The following USP6NL variants were observed in gnomAD, a reference collection of about 807,000 sequenced individuals.
The protein encoded by USP6NL is USP6 N-terminal-like protein.
In USP6NL, 26 loss-of-function variants were observed where a neutral mutation model predicts 61.9. The ratio of observed to expected loss-of-function variants is 0.42; its 90% CI spans 0.31 to 0.58. The LOEUF (loss-of-function observed/expected upper bound fraction) is 0.58, where lower values mean the gene tolerates loss of function less well. USP6NL is among the 20% of genes least tolerant of loss of function. The probability of loss-of-function intolerance (pLI) is 0.16; values close to 1 mark genes in which losing one functional copy is unlikely to be tolerated. For missense variants in USP6NL, 1,114 were observed against 1,034.3 expected (o/e 1.08, Z -1.06); for synonymous variants, 432 against 390.1 (o/e 1.11, Z -1.27).
intron 2 of USP6NL, among the ~76,000 whole-genome samples, chr10:11,549,930 A>G (rs565422456): frequency 1.0e-3 from 152 of 152,346 alleles, no homozygotes; most frequent in African/African-American, 3.4e-3. Context: ...ATATTTGAAT[A>G]AGCTCTGTTG....
At position 11,591,934 on chromosome 10, in the gene USP6NL, A is replaced by T. The variant is rs182059509; in HGVS notation, c.4+5697T>A. Among the ~76,000 whole-genome samples, 9 of 152,274 alleles carry T rather than the reference A, an allele frequency of 5.9e-5. No individual in the cohort carries two copies. The East Asian group carries it at 1.7e-3, about 29-fold the overall frequency. On this transcript the variant is annotated intron_variant, in intron 2 of 14. Transcript: ENST00000609104. This position sits in a 1 kb window ranked among gnomAD's most constrained non-coding sequence, Gnocchi z 4.7. ...GCCTGGGCTGGAGTGCAGTGGCTCA[A>T]TCTCAGCTCACTGCAACCTCCACCT...
chr10:11,529,198 T>A (rs1446135181), intron 2 of USP6NL, among the ~76,000 whole-genome samples: 1 of 152,140 alleles, frequency 6.6e-6, no homozygotes, highest in Non-Finnish European at 1.5e-5. Context: ...ATCAACTTCA[T>A]TAGTAACTAA....
At position 11,548,975 on chromosome 10, in the gene USP6NL, G is replaced by A. The variant is rs1460475019; in HGVS notation, c.5-21408C>T. On this transcript the variant is annotated intron_variant, in intron 2 of 14. Coordinates refer to ENST00000609104, the MANE Select transcript of USP6NL (RefSeq NM_014688.5). The surrounding 1 kb of genome is among the most constrained non-coding windows in gnomAD (Gnocchi z 4.3). ...ACCATGATTTAATAAAACTAAGCTCGAATTCTGATTAGGATTAGCATGAAG... is the reference window on the plus strand; with the variant it reads ...ACCATGATTTAATAAAACTAAGCTCAAATTCTGATTAGGATTAGCATGAAG... Among the ~76,000 whole-genome samples, 4 of 152,038 alleles carry A rather than the reference G, an allele frequency of 2.6e-5. No homozygotes were observed. The highest frequency in any genetic ancestry group is 6.6e-5 in the Admixed American group (1 of 15,260).
Position 11,602,542 on chromosome 10 carries a change from T to C in USP6NL, c.-83-4825A>G, listed in dbSNP as rs1426239938. ...GCCAAGTCTCTCGCATCATGGAATG[T>C]ACAGCACAGTAATTTCAGTACCCTC... On this transcript the variant is annotated intron_variant, in intron 1 of 14. Transcript: ENST00000609104. This position sits in a 1 kb window ranked among gnomAD's most constrained non-coding sequence, Gnocchi z 4.8. Among the ~76,000 whole-genome samples, 2 of 152,216 alleles carry C rather than the reference T, an allele frequency of 1.3e-5. No homozygotes were observed. Among genetic ancestry groups the C allele is most frequent in the Non-Finnish European group, 2.9e-5 (2 of 68,038 alleles).
chr10:11,494,858 C>T (rs553120408), intron 7 of USP6NL, among the ~76,000 whole-genome samples: 11 of 152,128 alleles, frequency 7.2e-5, no homozygotes, highest in Middle Eastern at 3.4e-3. Context: ...AACATGAAGG[C>T]GGACTAGGAG....
intron 2 of USP6NL, among the ~76,000 whole-genome samples, chr10:11,547,481 G>A (rs1260985019): frequency 6.6e-6 from 1 of 151,538 alleles, no homozygotes; most frequent in African/African-American, 2.4e-5. Flanking sequence ...AATATTTCCT[G>A]CCCAGCTCAT....
intron 2 of USP6NL, among the ~76,000 whole-genome samples, chr10:11,567,524 A>G (rs1466727922): frequency 6.6e-6 from 1 of 152,244 alleles, no homozygotes; most frequent in Non-Finnish European, 1.5e-5. Context: ...GCTGAATTTA[A>G]GGAATAAATA....
chr10:11,515,356 T>G (rs1382329111), intron 5 of USP6NL, among the ~76,000 whole-genome samples: 1 of 152,242 alleles, frequency 6.6e-6, no homozygotes, highest in East Asian at 1.9e-4. Flanking sequence ...TTGCTCAGAT[T>G]CAAGTCTTCA....
Position 11,489,798 on chromosome 10 carries a change from T to A in USP6NL, c.544-576A>T, listed in dbSNP as rs1833633122. 6.6e-6 allele frequency among the ~76,000 whole-genome samples: 1 copy of A among 152,212 alleles called. No individual in the cohort carries two copies. Among genetic ancestry groups the A allele is most frequent in the African/African-American group, 2.4e-5 (1 of 41,452 alleles). On this transcript the variant is annotated intron_variant, in intron 9 of 14. Coordinates refer to ENST00000609104, the MANE Select transcript of USP6NL (RefSeq NM_014688.5). The surrounding 1 kb of genome is among the most constrained non-coding windows in gnomAD (Gnocchi z 5.7). The stretch of plus-strand genomic sequence containing the variant: ...GACCCCAGGGGAACAGTTATTTGGT[T>A]GCACTGACTCATCAGACACTGTCTC...
intron 2 of USP6NL, among the ~76,000 whole-genome samples, chr10:11,545,241 T>G (rs1836230359): frequency 6.7e-6 from 1 of 149,374 alleles, no homozygotes; most frequent in African/African-American, 2.4e-5. Context: ...CCACCCTCCC[T>G]CAGCCTCCAG....
chr10:11,526,707 A>G (rs999591989), intron 3 of USP6NL, among the ~76,000 whole-genome samples: 1 of 152,216 alleles, frequency 6.6e-6, no homozygotes, highest in African/African-American at 2.4e-5. Flanking sequence ...GAACAGATAC[A>G]TAATTACAAG....
chr10:11,516,404 C>T (rs377680406), intron 5 of USP6NL, among the ~76,000 whole-genome samples: 1 of 152,132 alleles, frequency 6.6e-6, no homozygotes, highest in Non-Finnish European at 1.5e-5. Flanking sequence ...AAAATGTAAA[C>T]TTTTTTTAAT....
chr10:11,524,626 T>C (rs1835347295), intron 4 of USP6NL, among the ~76,000 whole-genome samples: 1 of 152,220 alleles, frequency 6.6e-6, no homozygotes, highest in African/African-American at 2.4e-5. Flanking sequence ...ACGAATGTTT[T>C]TCCTTCAAAA....
chr10:11,500,663 GAAGAA>G (rs1294776709), intron 7 of USP6NL, among the ~76,000 whole-genome samples: 1 of 151,650 alleles, frequency 6.6e-6, no homozygotes, highest in African/African-American at 2.4e-5. Context: ...TTTCATGCTA[GAAGAA>G]AAGAATCATA....
chr10:11,601,242 T>C (rs1031673765), intron 1 of USP6NL, among the ~76,000 whole-genome samples: 1 of 152,208 alleles, frequency 6.6e-6, no homozygotes, highest in African/African-American at 2.4e-5. Context: ...TTATATATAC[T>C]GTACACACAT....
Position 11,518,961 on chromosome 10 carries a change from A to C in USP6NL, c.156-387T>G, listed in dbSNP as rs931569759. On this transcript the variant is annotated intron_variant, in intron 4 of 14. Coordinates refer to ENST00000609104, the MANE Select transcript of USP6NL (RefSeq NM_014688.5). This position sits in a 1 kb window ranked among gnomAD's most constrained non-coding sequence, Gnocchi z 5.3. ...CATTTCCATCACTGCAGAAAGGTCC[A>C]CTGGACAGCACTGCTCCAGACTAGG... Among the ~76,000 whole-genome samples, 1 of 152,236 alleles carries C rather than the reference A, an allele frequency of 6.6e-6. No homozygotes were observed. The highest frequency in any genetic ancestry group is 2.4e-5 in the African/African-American group (1 of 41,460).
intron 4 of USP6NL, among the ~76,000 whole-genome samples, chr10:11,522,087 GCAGAGCT>G: frequency 6.6e-6 from 1 of 152,198 alleles, no homozygotes; most frequent in Non-Finnish European, 1.5e-5. Context: ...TGCTCATCTG[GCAGAGCT>G]CAGTTGGTTT....
intron 2 of USP6NL, among the ~76,000 whole-genome samples, chr10:11,566,026 C>T (rs1457484776): frequency 6.6e-6 from 1 of 152,078 alleles, no homozygotes; most frequent in African/African-American, 2.4e-5. Context: ...AAGAGATGGC[C>T]ATCACCACTA....
In USP6NL at chr10:11,562,644, T is replaced by C. The variant is rs1302223262; in HGVS notation, c.4+34987A>G. 2 of 985,336 alleles carry C rather than the reference T, an allele frequency of 2.0e-6. No individual in the cohort carries two copies. The highest frequency in any genetic ancestry group is 1.1e-4 in the East Asian group (1 of 8,830). 61.0% of individuals were successfully genotyped at this position (985,336 alleles called of 1,614,324 possible). A position where few individuals can be genotyped will look rare whatever the true frequency, so the allele number is the denominator to read the frequency against. On this transcript the variant is annotated intron_variant, in intron 2 of 14. Transcript: ENST00000609104. This position sits in a 1 kb window ranked among gnomAD's most constrained non-coding sequence, Gnocchi z 4.8. ...TAACACTGAACAGTCCTCTAATTAT[T>C]TGTGACACTCAACATTCATATGTTG...
Sources: gnomAD v4.1 joint callset for allele counts (sites outside exome capture counted in the v4.1 genomes callset) on GRCh38, gnomAD v4.1.1 for gene constraint, Gnocchi (gnomAD v3.1) non-coding constraint, MANE v1.5 for transcripts, NCBI Gene and HGNC (gene_info 2026-07-23, HGNC 2026-07-21) for gene names.